Variants in DCAF8L2 observed in about 807,000 individuals in gnomAD.
The protein encoded by DCAF8L2 is DDB1 and CUL4 associated factor 8 like 2.
For missense variants in DCAF8L2, 430 were observed against 490.7 expected, an observed-to-expected ratio of 0.88 and a Z score of 1.17; for synonymous variants, 200 against 190.9, an observed-to-expected ratio of 1.05 and a Z score of -0.39.
chrX:27,542,789 G>T, the DCAF8L2 span, among the ~76,000 whole-genome samples: 1 of 109,797 alleles, frequency 9.1e-6, no homozygotes, highest in African/African-American at 3.3e-5. Flanking sequence ...GGATCCGCCC[G>T]CCTCGGCCTC....
intron 3 of DCAF8L2, among the ~76,000 whole-genome samples, chrX:27,697,740 A>G (rs1194296686): frequency 9.0e-6 from 1 of 111,181 alleles, no homozygotes; most frequent in East Asian, 2.8e-4. Flanking sequence ...AGAATGAATC[A>G]TTGTCTAATT....
chrX:27,709,095 T>G (rs1020189026), intron 3 of DCAF8L2, among the ~76,000 whole-genome samples: 1 of 111,134 alleles, frequency 9.0e-6, no homozygotes, highest in African/African-American at 3.3e-5. Flanking sequence ...AATTTGGTAT[T>G]TTTTTAGTAG....
At chrX:27,694,744 A>G (rs929465505) in intron 3 of DCAF8L2, among the ~76,000 whole-genome samples, 5 of 112,151 alleles carry the variant, frequency 4.5e-5, no homozygotes, top group African/African-American at 1.6e-4. Context: ...TAATATTCAT[A>G]GAAAACTTTC....
At chrX:27,555,056 G>T in the DCAF8L2 span, among the ~76,000 whole-genome samples, 1 of 111,709 alleles carries the variant, frequency 9.0e-6, no homozygotes, top group Non-Finnish European at 1.9e-5. Context: ...GCTGAAAATG[G>T]ACTGTGCTAC....
At chrX:27,561,393 C>G in the DCAF8L2 span, among the ~76,000 whole-genome samples, 2 of 112,036 alleles carry the variant, frequency 1.8e-5, no homozygotes, top group African/African-American at 6.5e-5. Flanking sequence ...ATCCTCACCC[C>G]ATTCCAGGAT....
the DCAF8L2 span, among the ~76,000 whole-genome samples, chrX:27,561,179 C>CTCTT: frequency 4.5e-5 from 5 of 111,940 alleles, no homozygotes; most frequent in Non-Finnish European, 9.4e-5. Context: ...TAGAGGTTCC[C>CTCTT]TCTTATCTTT....
chrX:27,746,230 A>G (rs939923989), intron 4 of DCAF8L2, among the ~76,000 whole-genome samples: 2 of 111,386 alleles, frequency 1.8e-5, no homozygotes, highest in African/African-American at 3.3e-5. Context: ...CTAATGTAAC[A>G]TTTGAGATCT....
At chrX:27,579,340 A>G in the DCAF8L2 span, among the ~76,000 whole-genome samples, 2 of 110,931 alleles carry the variant, frequency 1.8e-5, no homozygotes, top group African/African-American at 6.6e-5. Context: ...TTTCACCTAT[A>G]AGTGGTAGCT....
chrX:27,480,188 C>T, the DCAF8L2 span, among the ~76,000 whole-genome samples: 1 of 112,362 alleles, frequency 8.9e-6, no homozygotes, highest in African/African-American at 3.2e-5. Context: ...CCATGCAAGA[C>T]ATTAGAGGTA....
chrX:27,627,628 TC>T lies in DCAF8L2; in HGVS notation c.-341-4250del, dbSNP rs1216367954. On this transcript the variant is annotated intron_variant, in intron 1 of 4. Transcript: ENST00000451261. ...TACATAATATGGGCCGGGCACAGTG[TC>T]TCATGCCTGTAATCTCAGCACTTTG... is the stretch of plus-strand genomic sequence containing the variant. 1.2e-3 allele frequency among the ~76,000 whole-genome samples: 123 copies of T among 106,721 alleles called. No individual in the cohort carries two copies. The Admixed American group carries it at 0.012, about 11-fold the overall frequency. The allele number at this position is 106,721 out of a possible 115,157, so 92.7% of individuals were successfully genotyped here.
At chrX:27,699,595 A>C (rs907124389) in intron 3 of DCAF8L2, among the ~76,000 whole-genome samples, 2 of 111,829 alleles carry the variant, frequency 1.8e-5, no homozygotes, top group Admixed American at 1.9e-4. Context: ...CCCAGGCCAG[A>C]GACGATGATG....
At chrX:27,511,765 T>C in the DCAF8L2 span, among the ~76,000 whole-genome samples, 2 of 111,948 alleles carry the variant, frequency 1.8e-5, no homozygotes, top group Non-Finnish European at 3.8e-5. Flanking sequence ...ATAGGCAACT[T>C]ATGTAGATAA....
intron 1 of DCAF8L2, among the ~76,000 whole-genome samples, chrX:27,611,574 C>G (rs78631187): frequency 5.5e-5 from 6 of 109,779 alleles, no homozygotes; most frequent in African/African-American, 2.0e-4. Flanking sequence ...GGTATTTCTC[C>G]TCATGCTATC....
chrX:27,657,542 C>T (rs757545060), intron 2 of DCAF8L2, among the ~76,000 whole-genome samples: 3 of 111,751 alleles, frequency 2.7e-5, no homozygotes, highest in African/African-American at 9.7e-5. Flanking sequence ...TAAAAGAATA[C>T]TTCTATATTT....
chrX:27,616,110 A>T (rs1927464309), intron 1 of DCAF8L2, among the ~76,000 whole-genome samples: 1 of 111,128 alleles, frequency 9.0e-6, no homozygotes, highest in Admixed American at 9.6e-5. Flanking sequence ...AAATGGTTGA[A>T]TCCTTGCTTT....
chrX:27,558,557 T>G, the DCAF8L2 span, among the ~76,000 whole-genome samples: 23 of 111,662 alleles, frequency 2.1e-4, no homozygotes, highest in Non-Finnish European at 3.8e-4. Context: ...TTGTTAATTT[T>G]GGGCATATAA....
chrX:27,621,991 C>CA (rs1466398170), intron 1 of DCAF8L2, among the ~76,000 whole-genome samples: 2 of 105,639 alleles, frequency 1.9e-5, no homozygotes. Flanking sequence ...GACCTTATCT[C>CA]AACAACAACA....
the DCAF8L2 span, among the ~76,000 whole-genome samples, chrX:27,536,191 G>T: frequency 1.8e-5 from 2 of 111,407 alleles, no homozygotes; most frequent in African/African-American, 6.5e-5. Flanking sequence ...CTTCTACTGA[G>T]GAACGAAACC....
the DCAF8L2 span, among the ~76,000 whole-genome samples, chrX:27,526,839 G>A: frequency 1.8e-5 from 2 of 112,459 alleles, no homozygotes; most frequent in Non-Finnish European, 3.8e-5. Flanking sequence ...GCAGAACAGC[G>A]AATATTGCTG....
Sources: gnomAD v4.1 joint callset for allele counts (sites outside exome capture counted in the v4.1 genomes callset) on GRCh38, gnomAD v4.1.1 for gene constraint, MANE v1.5 for transcripts, NCBI Gene and HGNC (gene_info 2026-07-23, HGNC 2026-07-21) for gene names.